The following UHRF2 variants were observed in gnomAD, a reference collection of about 807,000 sequenced individuals.
The protein encoded by UHRF2 is E3 ubiquitin-protein ligase UHRF2.
In UHRF2, 23 loss-of-function variants were observed where a neutral mutation model predicts 96.8. The observed-to-expected ratio is 0.24, with a 90% CI of 0.17 to 0.34. The LOEUF is 0.34. Ranked by LOEUF, UHRF2 falls within the 10% of genes least tolerant of loss-of-function variation. The pLI, the probability that UHRF2 is intolerant of heterozygous loss-of-function variation, is 1.00. For missense variants in UHRF2, 685 were observed against 981.5 expected, an observed-to-expected ratio of 0.70 and a Z score of 4.04; for synonymous variants, 385 against 332.6, an observed-to-expected ratio of 1.16 and a Z score of -1.72.
At chr9:6,499,575 C>A (rs750225316) in intron 12 of UHRF2, 4 of 228,644 alleles carry the variant, frequency 1.7e-5, no homozygotes, top group Admixed American at 5.5e-5. Context: ...TGAAGACTTA[C>A]CTTTCTTAGA....
At chr9:6,501,607 G>T (rs547513589) in intron 14 of UHRF2, among the ~76,000 whole-genome samples, 1 of 152,086 alleles carries the variant, frequency 6.6e-6, no homozygotes, top group African/African-American at 2.4e-5. Context: ...TATTGGAATC[G>T]TTACTTCCTT....
At chr9:6,472,076 C>G (rs1823273246) in intron 4 of UHRF2, among the ~76,000 whole-genome samples, 1 of 152,178 alleles carries the variant, frequency 6.6e-6, no homozygotes, top group Admixed American at 6.5e-5. Flanking sequence ...CATGTCACCA[C>G]TAATCAAAAC....
chr9:6,456,932 C>T (rs1432392132), intron 3 of UHRF2, among the ~76,000 whole-genome samples: 1 of 152,148 alleles, frequency 6.6e-6, no homozygotes, highest in East Asian at 1.9e-4. Flanking sequence ...AGTTTGAAGT[C>T]AGGTAGCATG....
At chr9:6,447,722 A>G (rs1310010738) in intron 3 of UHRF2, among the ~76,000 whole-genome samples, 4 of 152,244 alleles carry the variant, frequency 2.6e-5, no homozygotes, top group Non-Finnish European at 5.9e-5. Context: ...AAAAAGGCAC[A>G]GAAATCAAAA....
intron 4 of UHRF2, among the ~76,000 whole-genome samples, chr9:6,463,524 G>A: frequency 6.6e-6 from 1 of 151,086 alleles, no homozygotes; most frequent in South Asian, 2.1e-4. Flanking sequence ...AGGCTGCATA[G>A]CAGTGGCACA....
chr9:6,461,705 A>G (rs1268333127), intron 4 of UHRF2, among the ~76,000 whole-genome samples: 1 of 151,914 alleles, frequency 6.6e-6, no homozygotes, highest in Admixed American at 6.6e-5. Context: ...ATACTTTCAG[A>G]TGTTTCCCAA....
chr9:6,478,350 T>C (rs897057815), intron 6 of UHRF2, among the ~76,000 whole-genome samples: 6 of 152,254 alleles, frequency 3.9e-5, no homozygotes, highest in Non-Finnish European at 7.3e-5. Context: ...CCTCTGGTAA[T>C]CCTTTATGGA....
chr9:6,455,204 A>T (rs1822106232), intron 3 of UHRF2, among the ~76,000 whole-genome samples: 1 of 152,204 alleles, frequency 6.6e-6, no homozygotes, highest in Non-Finnish European at 1.5e-5. Context: ...TTTGTTACAT[A>T]TGCATACATG....
intron 4 of UHRF2, chr9:6,468,567 C>T (rs1346512211): frequency 2.2e-6 from 1 of 455,908 alleles, no homozygotes; most frequent in African/African-American, 2.0e-5. Flanking sequence ...AAATCTAGTT[C>T]AGAGCAGCTA....
intron 3 of UHRF2, among the ~76,000 whole-genome samples, chr9:6,459,448 C>A (rs1262832081): frequency 6.6e-6 from 1 of 152,098 alleles, no homozygotes; most frequent in African/African-American, 2.4e-5. Context: ...GCGGGTGGAT[C>A]ACCTGAGGTC....
At chr9:6,419,507 C>G (rs1192193744) in intron 1 of UHRF2, among the ~76,000 whole-genome samples, 1 of 151,858 alleles carries the variant, frequency 6.6e-6, no homozygotes, top group African/African-American at 2.4e-5. Flanking sequence ...ACTGATAATG[C>G]TTTAGAAAGA....
At chr9:6,454,720 C>T (rs903921791) in intron 3 of UHRF2, among the ~76,000 whole-genome samples, 9 of 152,276 alleles carry the variant, frequency 5.9e-5, no homozygotes, top group African/African-American at 1.9e-4. Context: ...TGGTTTTGAG[C>T]AGGCCACTCT....
At chr9:6,468,013 A>G (rs1319342630) in intron 4 of UHRF2, among the ~76,000 whole-genome samples, 3 of 152,150 alleles carry the variant, frequency 2.0e-5, no homozygotes, top group Admixed American at 1.3e-4. Flanking sequence ...TTGAAATTAC[A>G]TAATGTGTCT....
At chr9:6,478,973 G>T (rs1036562653) in intron 6 of UHRF2, among the ~76,000 whole-genome samples, 1 of 151,380 alleles carries the variant, frequency 6.6e-6, no homozygotes, top group Non-Finnish European at 1.5e-5. Context: ...TCTAAAATAC[G>T]CTCTTTCACC....
At position 6,506,889 on chromosome 9, in the gene UHRF2, A is replaced by C. The variant is rs1816611756; in HGVS notation, c.*710A>C. The C allele has an allele frequency of 6.6e-6, 1 of 152,646 alleles. No individual in the cohort carries two copies. The highest frequency in any genetic ancestry group is 1.5e-5 in the Non-Finnish European group (1 of 68,052). 9.5% of individuals were successfully genotyped at this position (152,646 alleles called of 1,614,324 possible). ...GTTCATGAAAATCCACTTCTCTACT[A>C]GTCGAACTGCTTTTAGTGTCTCACC... On this transcript the variant is annotated 3_prime_UTR_variant, in exon 16 of 16. Transcript: ENST00000276893.
intron 3 of UHRF2, among the ~76,000 whole-genome samples, chr9:6,441,221 A>G (rs536199596): frequency 4.6e-5 from 7 of 152,170 alleles, no homozygotes; most frequent in African/African-American, 1.4e-4. Flanking sequence ...TCTACAAAAA[A>G]AACTCAGCCA....
intron 9 of UHRF2, among the ~76,000 whole-genome samples, chr9:6,488,807 TTTTTG>T (rs1477877872): frequency 6.6e-6 from 1 of 150,400 alleles, no homozygotes; most frequent in Admixed American, 6.6e-5. Flanking sequence ...GAGTGTTTTT[TTTTTG>T]TTTTGTTTTG....
intron 3 of UHRF2, among the ~76,000 whole-genome samples, chr9:6,443,715 G>A (rs1015426294): frequency 6.6e-6 from 1 of 152,136 alleles, no homozygotes; most frequent in Non-Finnish European, 1.5e-5. Context: ...AAACCAAATA[G>A]GTTCAACTGT....
rs375783512 is a variant in UHRF2 at position 6,482,116 on chromosome 9, G to C, written c.1392+17G>C. The C allele has an allele frequency of 7.7e-5, 123 of 1,603,146 alleles. No individual in the cohort carries two copies. Among genetic ancestry groups the C allele is most frequent in the Admixed American group, 3.3e-5 (2 of 59,816 alleles). On this transcript the variant is annotated intron_variant, in intron 8 of 15. Transcript: ENST00000276893. ...AGAGTTCAGGTATGTTTTAACTTGG[G>C]CTTAGTTGAAAGGGGAGAATTGGCT...
Sources: allele counts gnomAD v4.1 joint callset (sites outside exome capture counted in the v4.1 genomes callset), GRCh38; gene constraint gnomAD v4.1.1; transcripts MANE v1.5; gene names NCBI Gene and HGNC (gene_info 2026-07-23, HGNC 2026-07-21).